NAT16: variants seen among roughly 807,000 people sequenced by gnomAD.
The protein encoded by NAT16 is probable N-acetyltransferase 16.
A neutral mutation model predicts 15.9 loss-of-function variants in NAT16; 16 were observed. The observed-to-expected ratio is 1.01, with a 90% CI of 0.68 to 1.53. The LOEUF is 1.53. Ranked by LOEUF, NAT16 falls within the 40% of genes most tolerant of loss-of-function variation. The pLI is 0.00. For synonymous variants in NAT16, 260 were observed against 241.9 expected (o/e 1.07, Z -0.69); for missense variants, 572 against 508.4 (o/e 1.13, Z -1.20).
At chr7:101,173,641 G>T (rs1797396092) in intron 2 of NAT16, 121 bp from the exon 3 acceptor site, 6 of 907,818 alleles carry the variant, frequency 6.6e-6, no homozygotes, top group Non-Finnish European at 8.0e-6. Context: ...CGGGCACCAG[G>T]CCAGGCCTGG....
intron 2 of NAT16, 97 bp downstream of exon 2, chr7:101,174,399 G>A (rs1028541079): frequency 8.4e-6 from 12 of 1,421,634 alleles, no homozygotes; most frequent in African/African-American, 7.2e-5. Flanking sequence ...GCCTCCAGAG[G>A]AAGGCTGGGG....
chr7:101,171,908 G>A lies in NAT16; in HGVS notation c.*171C>T. The A allele has an allele frequency of 1.7e-6, 1 of 591,924 alleles. No individual in the cohort carries two copies. Among genetic ancestry groups the A allele is most frequent in the Admixed American group, 3.2e-5 (1 of 31,488 alleles). 36.7% of individuals were successfully genotyped at this position (591,924 alleles called of 1,614,324 possible). ...GTTTGGGGGAGCTAGAGGCAAGATA[G>A]TAAGGGCAAAAGGGACAGAGTGGGG... On this transcript the variant is annotated 3_prime_UTR_variant, in exon 4 of 4. Transcript: ENST00000300303.
Position 101,172,474 on chromosome 7 carries a change from C to T in NAT16, c.715G>A (p.Gly239Ser), listed in dbSNP as rs748775852. The change falls in exon 4 of 4, where the codon GGC (glycine) becomes AGC (serine). Residue 239 changes from glycine (G) to serine (S), a missense_variant. Gly to Ser is a moderately conservative substitution (Grantham distance 56, BLOSUM62 0). Coordinates refer to ENST00000300303, the MANE Select transcript of NAT16 (RefSeq NM_198571.3). The surrounding 1 kb of genome is among the most constrained non-coding windows in gnomAD (Gnocchi z 4.2). ...SPSVQRDVLP[G>S]GTIIQDWQPY... Reference sequence around the variant, plus strand: ...TGCCAGTCCTGGATGATGGTCCCGCCTGGAAGCACGTCGCGCTGCACGGAG... The same window carrying T: ...TGCCAGTCCTGGATGATGGTCCCGCTTGGAAGCACGTCGCGCTGCACGGAG... 1 of 1,600,274 alleles carries T rather than the reference C, an allele frequency of 6.2e-7. No individual in the cohort carries two copies. The highest frequency in any genetic ancestry group is 8.5e-7 in the Non-Finnish European group (1 of 1,177,414).
Position 101,172,853 on chromosome 7 carries a change from G to A in NAT16, c.538-202C>T, listed in dbSNP as rs1797365254. Among the ~76,000 whole-genome samples, 1 of 152,152 alleles carries A rather than the reference G, an allele frequency of 6.6e-6. No homozygotes were observed. Among genetic ancestry groups the A allele is most frequent in the South Asian group, 2.1e-4 (1 of 4,828 alleles). ...CAAGGGTACCAGACAGGGACCAGGG[G>A]CACGGGCTCCCAGTACGTGGATCCC... On this transcript the variant is annotated intron_variant, in intron 3 of 3. Coordinates refer to ENST00000300303, the MANE Select transcript of NAT16 (RefSeq NM_198571.3). This position sits in a 1 kb window ranked among gnomAD's most constrained non-coding sequence, Gnocchi z 4.2.
Position 101,172,240 on chromosome 7 carries a change from G to A in NAT16, c.949C>T (p.Leu317=), listed in dbSNP as rs1797340654. The A allele has an allele frequency of 1.9e-6, 3 of 1,613,418 alleles. No individual in the cohort carries two copies. Among genetic ancestry groups the A allele is most frequent in the Non-Finnish European group, 2.5e-6 (3 of 1,179,870 alleles). The change falls in exon 4 of 4, where the codon CTG becomes TTG. Residue 317 remains leucine, a synonymous_variant. Transcript: ENST00000300303. This position sits in a 1 kb window ranked among gnomAD's most constrained non-coding sequence, Gnocchi z 4.2. The part of the protein sequence containing the change: ...AQVQSQLLWH[L]QRQAPRLVGL... Reference sequence around the variant, plus strand: ...ACGAGGCGCGGGGCCTGGCGCTGCAGGTGCCACAGCAGCTGGCTCTGCACC... The same window carrying A: ...ACGAGGCGCGGGGCCTGGCGCTGCAAGTGCCACAGCAGCTGGCTCTGCACC...
At position 101,174,734 on chromosome 7, in the gene NAT16, G is replaced by C. The variant is rs867086471; in HGVS notation, c.74C>G (p.Ala25Gly). The C allele has an allele frequency of 3.1e-6, 5 of 1,608,752 alleles. No individual in the cohort carries two copies. Among genetic ancestry groups the C allele is most frequent in the Non-Finnish European group, 4.2e-6 (5 of 1,179,058 alleles). The change falls in exon 2 of 4, where the codon GCA becomes GGA. Residue 25 changes from alanine (A) to glycine (G), a missense_variant. Transcript: ENST00000300303. ...TGGCCGGGTTTCAGAGCTTGGCTCT[G>C]CATCTCGGGCAGTCTTCTTTTCCGG... ...PKPEKKTARD[A>G]EPSSETRPQE... is the part of the protein sequence containing the mutation.
intron 1 of NAT16, among the ~76,000 whole-genome samples, chr7:101,179,821 T>C (rs1475671587): frequency 1.8e-5 from 2 of 109,638 alleles, no homozygotes; most frequent in African/African-American, 7.2e-5. Context: ...TGGGGACAGG[T>C]GGGAGCGACA....
At chr7:101,173,562 G>T (rs775884669) in intron 2 of NAT16, 42 bp from the exon 3 acceptor site, 2 of 1,482,624 alleles carry the variant, frequency 1.3e-6, no homozygotes, top group Non-Finnish European at 1.8e-6. Context: ...CCCCGCCTGC[G>T]CCCCTGCCAG....
chr7:101,178,706 C>T (rs1330867851), intron 1 of NAT16, among the ~76,000 whole-genome samples: 3 of 89,966 alleles, frequency 3.3e-5, no homozygotes, highest in Non-Finnish European at 4.4e-5. Flanking sequence ...AACCCTCTCT[C>T]TACTAAAAAA....
chr7:101,179,477 G>A lies in NAT16; in HGVS notation c.-5+565C>T, dbSNP rs190327102. Among the ~76,000 whole-genome samples the A allele has an allele frequency of 1.3e-3, 195 of 151,178 alleles. 1 individual carries two copies. Among genetic ancestry groups the A allele is most frequent in the African/African-American group, 4.5e-3 (187 of 41,124 alleles). On this transcript the variant is annotated intron_variant, in intron 1 of 3. Coordinates refer to ENST00000300303, the MANE Select transcript of NAT16 (RefSeq NM_198571.3). ...GGTATGGGGGGCGGGGATCCGTGGA[G>A]GGGAAGGGGTCAAGGGGAAAAGAAA...
chr7:101,173,161 G>A (rs1257999657), intron 3 of NAT16, 135 bp downstream of exon 3: 4 of 799,524 alleles, frequency 5.0e-6, no homozygotes, highest in South Asian at 1.5e-5. Context: ...GGGAGTCCCA[G>A]GGCAAGGCTC....
chr7:101,178,083 T>C (rs1430073039), intron 1 of NAT16, among the ~76,000 whole-genome samples: 1 of 152,212 alleles, frequency 6.6e-6, no homozygotes. Flanking sequence ...ACCTGACTCA[T>C]TCAAGACATT....
intron 2 of NAT16, 126 bp from the exon 3 acceptor site, chr7:101,173,646 G>T: frequency 1.2e-6 from 1 of 825,072 alleles, no homozygotes; most frequent in Non-Finnish European, 1.8e-6. Context: ...ACCAGGCCAG[G>T]CCTGGGGTAG....
intron 1 of NAT16, among the ~76,000 whole-genome samples, chr7:101,178,026 C>G (rs1025047446): frequency 3.3e-5 from 5 of 152,224 alleles, no homozygotes; most frequent in African/African-American, 9.6e-5. Context: ...AATACCCTCA[C>G]TACCCCCAAA....
chr7:101,172,335 G>C lies in NAT16; in HGVS notation c.854C>G (p.Pro285Arg), dbSNP rs780265632. Residue 285 changes from proline to arginine, a missense_variant, in exon 4 of 4, where the codon CCC (proline) becomes CGC (arginine). Transcript: ENST00000300303. The surrounding 1 kb of genome is among the most constrained non-coding windows in gnomAD (Gnocchi z 4.2). ...RVLTLCTRPF[P>R]IPHGGDGTWR... is the part of the protein sequence containing the mutation. ...AGTGCCGTCCCCTCCGTGCGGGATG[G>C]GGAAGGGGCGCGTGCACAGCGTGAG... is the stretch of plus-strand genomic sequence containing the variant. 6.2e-7 allele frequency: 1 copy of C among 1,600,942 alleles called. No homozygotes were observed. The highest frequency in any genetic ancestry group is 8.5e-7 in the Non-Finnish European group (1 of 1,175,234).
At chr7:101,174,264 A>G in intron 2 of NAT16, 1 of 544,818 alleles carries the variant, frequency 1.8e-6, no homozygotes, top group East Asian at 3.1e-5. Flanking sequence ...TCGAACTTTC[A>G]AACGCTCACC....
In NAT16 at chr7:101,172,679, AG is replaced by A. The variant is rs943929748; in HGVS notation, c.538-29del. On this transcript the variant is annotated intron_variant, in intron 3 of 3. Coordinates refer to ENST00000300303, the MANE Select transcript of NAT16 (RefSeq NM_198571.3). The surrounding 1 kb of genome is among the most constrained non-coding windows in gnomAD (Gnocchi z 4.2). ...GCGGGGGGCACGAGTGAGCGCGGGG[AG>A]GGGGGGCGCAGCAGGGCTGGCGAGC... 2.4e-5 allele frequency: 34 copies of A among 1,441,390 alleles called. No homozygotes were observed. The Admixed American group carries it at 3.8e-4, about 16-fold the overall frequency. 89.3% of individuals were successfully genotyped at this position (1,441,390 alleles called of 1,614,324 possible).
rs969687102 is a variant in NAT16 at position 101,174,681 on chromosome 7, C to G, written c.127G>C (p.Gly43Arg). The change falls in exon 2 of 4, where the codon GGA becomes CGA. Residue 43 changes from glycine (G) to arginine (R), a missense_variant. Physicochemically the swap from Gly to Arg is moderately radical, Grantham distance 125 (BLOSUM62 -2). Transcript: ENST00000300303. Reference protein sequence around the residue: ...PQEVEAEPRSGSGPEAEAEPL... With the variant: ...PQEVEAEPRSRSGPEAEAEPL... ...TCGGCCTCAGCCTCAGGCCCCGATC[C>G]CGACCTGGGCTCGGCCTCCACCTCC... 26 of 1,613,924 alleles carry G rather than the reference C, an allele frequency of 1.6e-5. No individual in the cohort carries two copies. The highest frequency in any genetic ancestry group is 1.9e-5 in the Non-Finnish European group (23 of 1,180,008).
chr7:101,177,161 T>C (rs1430793986), intron 1 of NAT16, among the ~76,000 whole-genome samples: 4 of 152,180 alleles, frequency 2.6e-5, no homozygotes, highest in Non-Finnish European at 5.9e-5. Flanking sequence ...TCAGAGGATT[T>C]AGATCCTCTG....
Sources: allele counts gnomAD v4.1 joint callset (sites outside exome capture counted in the v4.1 genomes callset), GRCh38; gene constraint gnomAD v4.1.1; non-coding constraint Gnocchi (gnomAD v3.1); transcripts MANE v1.5; gene names NCBI Gene and HGNC (gene_info 2026-07-23, HGNC 2026-07-21).